Variants in DNAH1 observed in about 807,000 individuals in gnomAD.
DNAH1 encodes axonemal beta dynein heavy chain 1.
A neutral mutation model predicts 484.3 loss-of-function variants in DNAH1; 327 were observed. The observed-to-expected ratio is 0.68, with a 90% CI of 0.62 to 0.74. DNAH1 has a LOEUF of 0.74. Ranked by LOEUF, DNAH1 falls within the 30% of genes least tolerant of loss-of-function variation. The pLI, the probability that DNAH1 is intolerant of heterozygous loss-of-function variation, is 0.00. For missense variants in DNAH1, 5,052 were observed against 5,546.8 expected, an observed-to-expected ratio of 0.91 and a Z score of 2.83; for synonymous variants, 2,192 against 2,191.9, an observed-to-expected ratio of 1.00 and a Z score of 0.00.
intron 54 of DNAH1, among the ~76,000 whole-genome samples, chr3:52,385,670 A>G (rs760052589): frequency 1.3e-5 from 2 of 152,284 alleles, no homozygotes; most frequent in Non-Finnish European, 2.9e-5. Flanking sequence ...GGAGCAAGGC[A>G]GAGGAATCTG....
chr3:52,362,660 A>G lies in DNAH1; in HGVS notation c.5094+159A>G, dbSNP rs1445273107. Among the ~76,000 whole-genome samples the G allele has an allele frequency of 6.6e-6, 1 of 152,188 alleles. No homozygotes were observed. The highest frequency in any genetic ancestry group is 1.9e-4 in the East Asian group (1 of 5,198). Reference sequence around the variant, plus strand: ...TGGAGGGGAGGCCTCAGGGCCTCAGACTTGTCCTCAGGGCATGGGAGAAGT... The same window carrying G: ...TGGAGGGGAGGCCTCAGGGCCTCAGGCTTGTCCTCAGGGCATGGGAGAAGT... On this transcript the variant is annotated intron_variant, in intron 31 of 77. Coordinates refer to ENST00000420323, the MANE Select transcript of DNAH1 (RefSeq NM_015512.5). This position sits in a 1 kb window ranked among gnomAD's most constrained non-coding sequence, Gnocchi z 5.1.
rs746450942 is a variant in DNAH1 at position 52,375,956 on chromosome 3, T to C, written c.7161T>C (p.Asp2387=). 1.1e-5 allele frequency: 17 copies of C among 1,612,228 alleles called. No homozygotes were observed. The Middle Eastern group carries it at 2.6e-3, about 251-fold the overall frequency. Residue 2387 remains aspartate, a splice_region_variant and synonymous_variant, in exon 46 of 78, where the codon GAT becomes GAC. Transcript: ENST00000420323. The part of the protein sequence containing the change: ...IFSTILGNWL[D]GLLGEKSYRE... ...CGTGTTTCTCCCTCCATCCTCTAGA[T>C]GGACTCCTTGGAGAAAAAAGCTACC...
At chr3:52,351,208 G>A (rs1328073984) in intron 16 of DNAH1, among the ~76,000 whole-genome samples, 1 of 152,208 alleles carries the variant, frequency 6.6e-6, no homozygotes, top group African/African-American at 2.4e-5. Flanking sequence ...TGCCCTTTGG[G>A]GTTCTTGGGA....
chr3:52,382,374 G>A lies in DNAH1; in HGVS notation c.7860G>A (p.Glu2620=). 2 of 1,614,032 alleles carry A rather than the reference G, an allele frequency of 1.2e-6. No individual in the cohort carries two copies. Among genetic ancestry groups the A allele is most frequent in the Non-Finnish European group, 1.7e-6 (2 of 1,179,904 alleles). ...IELSKNYGMS[E]WRDDVKKVLL... is the part of the protein sequence containing the mutation. Reference sequence around the variant, plus strand: ...TATCCAAGAACTACGGCATGTCCGAGTGGCGAGATGATGTGAAGAAGGTCC... The same window carrying A: ...TATCCAAGAACTACGGCATGTCCGAATGGCGAGATGATGTGAAGAAGGTCC... Residue 2620 remains glutamate (E), a synonymous_variant, in exon 50 of 78, where the codon GAG becomes GAA. Coordinates refer to ENST00000420323, the MANE Select transcript of DNAH1 (RefSeq NM_015512.5).
Position 52,382,347 on chromosome 3 carries a change from A to C in DNAH1, c.7833A>C (p.Glu2611Asp), listed in dbSNP as rs953849724. 7 of 1,613,978 alleles carry C rather than the reference A, an allele frequency of 4.3e-6. No individual in the cohort carries two copies. The highest frequency in any genetic ancestry group is 5.9e-6 in the Non-Finnish European group (7 of 1,179,884). ...HMAEYECFQI[E>D]LSKNYGMSEW... is the part of the protein sequence containing the mutation. ...CCGAGTACGAGTGCTTCCAGATTGAACTATCCAAGAACTACGGCATGTCCG... is the reference window on the plus strand; with the variant it reads ...CCGAGTACGAGTGCTTCCAGATTGACCTATCCAAGAACTACGGCATGTCCG... The change falls in exon 50 of 78, where the codon GAA becomes GAC. Residue 2611 changes from glutamate to aspartate, a missense_variant. Physicochemically the swap from Glu to Asp is conservative, Grantham distance 45 (BLOSUM62 2). Around this residue, in one of 4 missense-constraint regions of DNAH1, gnomAD observed 2,929 missense variants for 3,409.4 expected, o/e 0.86. Coordinates refer to ENST00000420323, the MANE Select transcript of DNAH1 (RefSeq NM_015512.5).
At chr3:52,349,545 CA>C (rs1366269834) in intron 14 of DNAH1, 125 bp downstream of exon 14, 1 of 907,210 alleles carries the variant, frequency 1.1e-6, no homozygotes, top group African/African-American at 1.7e-5. Context: ...ATGCCCAGGC[CA>C]AGGGAAGGAG....
At position 52,353,138 on chromosome 3, in the gene DNAH1, A is replaced by G; in HGVS notation, c.3063A>G (p.Gln1021=). The G allele has an allele frequency of 3.1e-6, 5 of 1,613,316 alleles. No individual in the cohort carries two copies. The highest frequency in any genetic ancestry group is 4.2e-6 in the Non-Finnish European group (5 of 1,179,572). ...TCTCCAGGATGGTGAAGGAGTTCCA[A>G]CCCTACCTGGACCTTTGGACCACAG... The part of the protein sequence containing the change: ...DKLSRMVKEF[Q]PYLDLWTTAS... Residue 1021 remains glutamine, a synonymous_variant, in exon 19 of 78, where the codon CAA becomes CAG. Coordinates refer to ENST00000420323, the MANE Select transcript of DNAH1 (RefSeq NM_015512.5). This position sits in a 1 kb window ranked among gnomAD's most constrained non-coding sequence, Gnocchi z 5.0.
chr3:52,385,444 C>A lies in DNAH1; in HGVS notation c.8622C>A (p.Ile2874=). The A allele has an allele frequency of 6.4e-7, 1 of 1,551,678 alleles. No homozygotes were observed. Among genetic ancestry groups the A allele is most frequent in the Non-Finnish European group, 8.7e-7 (1 of 1,146,988 alleles). The change falls in exon 54 of 78, where the codon ATC becomes ATA. Residue 2874 remains isoleucine (I), a synonymous_variant. Transcript: ENST00000420323. ...AKDTMLTMEQ[I]KVDTAIAEET... ...ACACCATGCTCACCATGGAGCAGAT[C>A]AAGGTTGGGGTGCTCCCGAGCCCCT...
Position 52,372,314 on chromosome 3 carries a change from C to T in DNAH1, c.6754C>T (p.His2252Tyr), listed in dbSNP as rs1703380471. 1 of 1,613,902 alleles carries T rather than the reference C, an allele frequency of 6.2e-7. No homozygotes were observed. Reference protein sequence around the residue: ...LKNLALDYISHFLTFSARTSA... With the variant: ...LKNLALDYISYFLTFSARTSA... The stretch of plus-strand genomic sequence containing the variant: ...GAACCTGGCACTGGATTACATCAGC[C>T]ACTTCCTCACCTTCTCAGCCCGCAC... The change falls in exon 43 of 78, where the codon CAC (histidine) becomes TAC (tyrosine). Residue 2252 changes from histidine (H) to tyrosine (Y), a missense_variant. This residue lies in a region of DNAH1 where 2,929 missense variants were observed against 3,409.4 expected (regional missense o/e 0.86). Coordinates refer to ENST00000420323, the MANE Select transcript of DNAH1 (RefSeq NM_015512.5).
chr3:52,351,872 G>C, intron 16 of DNAH1, 90 bp from the exon 17 acceptor site: 1 of 1,470,072 alleles, frequency 6.8e-7, no homozygotes, highest in Non-Finnish European at 9.2e-7. Flanking sequence ...CTGGCTGCCT[G>C]GGTGCCTGGT....
chr3:52,350,294 G>A (rs1702321247), intron 15 of DNAH1, among the ~76,000 whole-genome samples, 186 bp downstream of exon 15: 1 of 152,072 alleles, frequency 6.6e-6, no homozygotes, highest in South Asian at 2.1e-4. Context: ...TCTGGGGGTA[G>A]GGGGGAGCTG....
intron 8 of DNAH1, among the ~76,000 whole-genome samples, chr3:52,333,182 G>T (rs1176604302): frequency 1.3e-5 from 2 of 152,108 alleles, no homozygotes; most frequent in African/African-American, 4.8e-5. Flanking sequence ...CATCATGCCC[G>T]GCTGGAAGTT....
At chr3:52,360,686 A>G (rs756458536) in intron 28 of DNAH1, among the ~76,000 whole-genome samples, 17 of 152,202 alleles carry the variant, frequency 1.1e-4, no homozygotes, top group South Asian at 4.1e-4. Context: ...GAGCTGATAC[A>G]TGTAGAGCTC....
At position 52,400,423 on chromosome 3, in the gene DNAH1, C is replaced by G. The variant is rs557708326; in HGVS notation, c.12775C>G (p.Leu4259Val). 4 of 1,613,942 alleles carry G rather than the reference C, an allele frequency of 2.5e-6. No individual in the cohort carries two copies. The highest frequency in any genetic ancestry group is 1.3e-5 in the African/African-American group (1 of 74,950). The change falls in exon 78 of 78, where the codon CTC becomes GTC. Residue 4259 changes from leucine to valine, a missense_variant. This residue lies in a region of DNAH1 where 853 missense variants were observed against 899.0 expected (regional missense o/e 0.95). Coordinates refer to ENST00000420323, the MANE Select transcript of DNAH1 (RefSeq NM_015512.5). ...QRHWIKRGVA[L>V]ICALDY is the part of the protein sequence containing the mutation. ...ACACTGGATAAAGCGTGGTGTGGCC[C>G]TCATCTGTGCCCTGGACTACTAGAC...
intron 27 of DNAH1, 102 bp downstream of exon 27, chr3:52,360,181 G>A: frequency 1.3e-6 from 2 of 1,555,224 alleles, no homozygotes; most frequent in Non-Finnish European, 1.8e-6. Flanking sequence ...TGTCCTTGAG[G>A]TTCTGGGACA....
rs762421307 is a variant in DNAH1, at chr3:52,346,649, C to G, written c.1834C>G (p.Arg612Gly). The change falls in exon 11 of 78, where the codon CGC becomes GGC. Residue 612 changes from arginine (R) to glycine (G), a missense_variant. Transcript: ENST00000420323. ...GAAGTACATGCTGCAGGACACACTG[C>G]GCTTCCTGGTGCAGGACTCACTTGC... is the stretch of plus-strand genomic sequence containing the variant. ...LVKYMLQDTLRFLVQDSLASF... is the reference protein window; with the variant it reads ...LVKYMLQDTLGFLVQDSLASF... 4 of 1,613,936 alleles carry G rather than the reference C, an allele frequency of 2.5e-6. No individual in the cohort carries two copies. The highest frequency in any genetic ancestry group is 3.4e-6 in the Non-Finnish European group (4 of 1,179,898).
rs1704544875 is a variant in DNAH1 at position 52,394,763 on chromosome 3, C to T, written c.10823+102C>T. ...TTCTCTAAGGGGCCACCCAGGGTTG[C>T]CCTGTGGCTGTGGCCACATCTCCTC... On this transcript the variant is annotated intron_variant, in intron 67 of 77. Coordinates refer to ENST00000420323, the MANE Select transcript of DNAH1 (RefSeq NM_015512.5). 5.4e-6 allele frequency: 8 copies of T among 1,486,542 alleles called. No homozygotes were observed. In the Admixed American group the frequency reaches 1.8e-4, roughly 34 times the overall value. The allele number at this position is 1,486,542 out of a possible 1,614,324, so 92.1% of individuals were successfully genotyped here. A position where few individuals can be genotyped will look rare whatever the true frequency, so the allele number is the denominator to read the frequency against.
chr3:52,392,482 A>C lies in DNAH1; in HGVS notation c.10071A>C (p.Leu3357=). Residue 3357 remains leucine (L), a synonymous_variant, in exon 64 of 78, where the codon CTA becomes CTC. Transcript: ENST00000420323. Reference sequence around the variant, plus strand: ...CCGGCAGTGGCCTAGAGGACCAGCTACTGGGCCAGGTAGTGGCAGAGGAGC... The same window carrying C: ...CCGGCAGTGGCCTAGAGGACCAGCTCCTGGGCCAGGTAGTGGCAGAGGAGC... ...TLSPSGLEDQ[L]LGQVVAEERP... 3 of 1,613,672 alleles carry C rather than the reference A, an allele frequency of 1.9e-6. No homozygotes were observed. Among genetic ancestry groups the C allele is most frequent in the Non-Finnish European group, 2.5e-6 (3 of 1,179,828 alleles).
At chr3:52,344,891 G>A (rs1702083228) in intron 9 of DNAH1, among the ~76,000 whole-genome samples, 1 of 152,254 alleles carries the variant, frequency 6.6e-6, no homozygotes, top group African/African-American at 2.4e-5. Flanking sequence ...GTTGCAAGGT[G>A]AATGTGTACT....
Sources: gnomAD v4.1 joint callset for allele counts (sites outside exome capture counted in the v4.1 genomes callset) on GRCh38, gnomAD v4.1.1 for gene constraint, gnomAD v4.1.1 regional missense constraint, Gnocchi (gnomAD v3.1) non-coding constraint, MANE v1.5 for transcripts, NCBI Gene and HGNC (gene_info 2026-07-23, HGNC 2026-07-21) for gene names.